The following PRRC2C variants were observed in gnomAD, a reference collection of about 807,000 sequenced individuals.
The protein encoded by PRRC2C is proline rich coiled-coil 2C, also known as protein PRRC2C.
In PRRC2C, 72 loss-of-function variants were observed where a neutral mutation model predicts 317.2. The ratio of observed to expected loss-of-function variants is 0.23; its 90% confidence interval spans 0.19 to 0.28. The LOEUF (loss-of-function observed/expected upper bound fraction) is 0.28, where lower values mean the gene tolerates loss of function less well. PRRC2C is among the 10% of genes least tolerant of loss of function. The pLI, the probability that PRRC2C is intolerant of heterozygous loss-of-function variation, is 1.00. For missense variants in PRRC2C, 3,074 were observed against 3,459.7 expected (o/e 0.89, Z 2.80); for synonymous variants, 1,296 against 1,205.9 (o/e 1.07, Z -1.55).
rs141300797 is a variant in PRRC2C, at chr1:171,514,666, G to T, written c.400+21G>T. ...AGATGGTAAGTGGACATTAGTTGGG[G>T]AAGCTGCCTAGGCTTGATAGTTACT... On this transcript the variant is annotated intron_variant, in intron 4 of 34. Transcript: ENST00000647382. 4 of 1,542,416 alleles carry T rather than the reference G, an allele frequency of 2.6e-6. No individual in the cohort carries two copies. In the African/African-American group the frequency reaches 5.5e-5, roughly 21 times the overall value.
At position 171,532,969 on chromosome 1, in the gene PRRC2C, A is replaced by C. The variant is rs768915230; in HGVS notation, c.1873+8A>C. On this transcript the variant is annotated splice_region_variant and intron_variant, in intron 12 of 34. Coordinates refer to ENST00000647382, the MANE Select transcript of PRRC2C (RefSeq NM_001387844.1). ...AAAACAGCTGTAATAAAGGTTTGAT[A>C]GTATTCTTCATTCTCTTTTAAAAAC... 7.2e-6 allele frequency: 11 copies of C among 1,528,562 alleles called. No homozygotes were observed. In the Admixed American group the frequency reaches 1.2e-4, roughly 17 times the overall value. The allele number at this position is 1,528,562 out of a possible 1,614,324, so 94.7% of individuals were successfully genotyped here. A position where few individuals can be genotyped will look rare whatever the true frequency, so the allele number is the denominator to read the frequency against.
Position 171,591,689 on chromosome 1 carries a change from G to A in PRRC2C, c.8539G>A (p.Asp2847Asn), listed in dbSNP as rs1651475262. ...GGGKAQKVDS[D>N]SSKPPETLTD... The stretch of plus-strand genomic sequence containing the variant: ...AGGCAAAGCCCAGAAAGTGGACAGT[G>A]ATTCAAGTAAACCTCCTGAAACACT... The change falls in exon 35 of 35, where the codon GAT becomes AAT. Residue 2847 changes from aspartate to asparagine, a missense_variant. Coordinates refer to ENST00000647382, the MANE Select transcript of PRRC2C (RefSeq NM_001387844.1). 1.9e-6 allele frequency: 3 copies of A among 1,613,820 alleles called. No homozygotes were observed. The highest frequency in any genetic ancestry group is 2.5e-6 in the Non-Finnish European group (3 of 1,179,890).
At chr1:171,563,321 A>G (rs1208297571) in intron 20 of PRRC2C, among the ~76,000 whole-genome samples, 1 of 152,208 alleles carries the variant, frequency 6.6e-6, no homozygotes, top group Non-Finnish European at 1.5e-5. Context: ...TAGATTAATT[A>G]TATACCTAAT....
At position 171,537,360 on chromosome 1, in the gene PRRC2C, T is replaced by C; in HGVS notation, c.2391T>C (p.Asp797=). The change falls in exon 15 of 35, where the codon GAT becomes GAC. Residue 797 remains aspartate, a synonymous_variant. Coordinates refer to ENST00000647382, the MANE Select transcript of PRRC2C (RefSeq NM_001387844.1). ...SFEHIARSAR[D]HAISLSEPRM... Reference sequence around the variant, plus strand: ...AGCATATAGCTCGATCTGCAAGAGATCACGCAATTTCCCTTTCTGAGCCTC... The same window carrying C: ...AGCATATAGCTCGATCTGCAAGAGACCACGCAATTTCCCTTTCTGAGCCTC... The C allele has an allele frequency of 6.3e-7, 1 of 1,592,936 alleles. No homozygotes were observed. Among genetic ancestry groups the C allele is most frequent in the Non-Finnish European group, 8.6e-7 (1 of 1,168,704 alleles).
chr1:171,585,455 AG>A (rs1387091455), intron 30 of PRRC2C, among the ~76,000 whole-genome samples: 5 of 149,716 alleles, frequency 3.3e-5, no homozygotes, highest in Admixed American at 3.3e-4. Context: ...GGGGGAACAA[AG>A]TCATTAGTCA....
At chr1:171,512,743 A>G (rs1671616776) in intron 2 of PRRC2C, 2 of 345,358 alleles carry the variant, frequency 5.8e-6, no homozygotes, top group Non-Finnish European at 1.0e-5. Flanking sequence ...AGTATTATCA[A>G]TGTTTTCTGT....
Position 171,568,449 on chromosome 1 carries a change from A to C in PRRC2C, c.6651+110A>C, listed in dbSNP as rs1463977975. 5 of 1,408,624 alleles carry C rather than the reference A, an allele frequency of 3.5e-6. No homozygotes were observed. The African/African-American group carries it at 7.2e-5, about 20-fold the overall frequency. The allele number at this position is 1,408,624 out of a possible 1,614,324, so 87.3% of individuals were successfully genotyped here. ...GTAGTGATCAATATTTAACTCAGGG[A>C]AAGAGTTGATAGTAAATTTGTGTTT... On this transcript the variant is annotated intron_variant, in intron 23 of 34. Transcript: ENST00000647382.
chr1:171,556,110 C>T (rs1681338906), intron 18 of PRRC2C, among the ~76,000 whole-genome samples: 1 of 152,208 alleles, frequency 6.6e-6, no homozygotes, highest in Admixed American at 6.5e-5. Context: ...GCTTTGTTTA[C>T]CTACTCAAGC....
intron 1 of PRRC2C, chr1:171,511,149 A>C (rs916458968): frequency 1.3e-5 from 2 of 152,092 alleles, no homozygotes; most frequent in Non-Finnish European, 2.9e-5. Flanking sequence ...GATCGTTTCT[A>C]TGGTAGAATT....
rs1677941396 is a variant in PRRC2C, at chr1:171,541,485, A to G, written c.4019A>G (p.Glu1340Gly). Residue 1340 changes from glutamate to glycine, a missense_variant, in exon 16 of 35, where the codon GAG becomes GGG. By Grantham distance (98) the Glu-to-Gly change is moderately conservative. This residue lies in a region of PRRC2C where 1,320 missense variants were observed against 1,395.7 expected (regional missense o/e 0.95). Coordinates refer to ENST00000647382, the MANE Select transcript of PRRC2C (RefSeq NM_001387844.1). This position sits in a 1 kb window ranked among gnomAD's most constrained non-coding sequence, Gnocchi z 4.1. ...AAACCAGGCTTTCTTCCTAAAGGAG[A>G]GCCTACAAGGAGAGGCAGAGGGGGA... ...KAKPGFLPKG[E>G]PTRRGRGGTF... is the part of the protein sequence containing the mutation. The G allele has an allele frequency of 6.2e-7, 1 of 1,613,740 alleles. No homozygotes were observed. Among genetic ancestry groups the G allele is most frequent in the South Asian group, 1.1e-5 (1 of 91,058 alleles).
In PRRC2C at chr1:171,541,577, G is replaced by C; in HGVS notation, c.4111G>C (p.Ala1371Pro). ...ACGCCCTTCCACTTTACGAAGACCA[G>C]CTTATCGGGACAATCAGTGGAACCC... The part of the protein sequence containing the change: ...PSRPSTLRRP[A>P]YRDNQWNPRQ... Residue 1371 changes from alanine (A) to proline (P), a missense_variant, in exon 16 of 35, where the codon GCT (alanine) becomes CCT (proline). Physicochemically the swap from Ala to Pro is conservative, Grantham distance 27. Around this residue, in one of 11 missense-constraint regions of PRRC2C, gnomAD observed 1,320 missense variants for 1,395.7 expected, o/e 0.95. Transcript: ENST00000647382. This position sits in a 1 kb window ranked among gnomAD's most constrained non-coding sequence, Gnocchi z 4.1. The C allele has an allele frequency of 6.2e-7, 1 of 1,613,822 alleles. No homozygotes were observed. Among genetic ancestry groups the C allele is most frequent in the Non-Finnish European group, 8.5e-7 (1 of 1,179,858 alleles).
chr1:171,571,605 C>T (rs190583672), intron 24 of PRRC2C, among the ~76,000 whole-genome samples, 184 bp downstream of exon 24: 2 of 152,220 alleles, frequency 1.3e-5, no homozygotes, highest in Non-Finnish European at 1.5e-5. Flanking sequence ...TAAGTGGTGA[C>T]GTGATATCCT....
chr1:171,493,029 C>T (rs1307544317), intron 1 of PRRC2C, among the ~76,000 whole-genome samples: 1 of 151,038 alleles, frequency 6.6e-6, no homozygotes, highest in Non-Finnish European at 1.5e-5. Flanking sequence ...GATTACAAGG[C>T]GTGAGCCACT....
rs1333457859 is a variant in PRRC2C, at chr1:171,592,876, G to A, written c.*1029G>A. On this transcript the variant is annotated 3_prime_UTR_variant, in exon 35 of 35. Transcript: ENST00000647382. Reference sequence around the variant, plus strand: ...AAAGTAGAATCAAGTCTCAAATAATGCCTTTTTAATTGTATCCTCTAGTAT... The same window carrying A: ...AAAGTAGAATCAAGTCTCAAATAATACCTTTTTAATTGTATCCTCTAGTAT... 2.6e-5 allele frequency: 4 copies of A among 151,998 alleles called. No individual in the cohort carries two copies. The highest frequency in any genetic ancestry group is 5.9e-5 in the Non-Finnish European group (4 of 68,016). The allele number at this position is 151,998 out of a possible 1,614,324, so 9.4% of individuals were successfully genotyped here.
In PRRC2C at chr1:171,541,799, A is replaced by T; in HGVS notation, c.4333A>T (p.Arg1445Trp). ...KPPRFRRLRE[R>W]EAASKSNEVV... ...ACCTCGATTTAGACGGCTAAGAGAG[A>T]GGGAGGCTGCTTCAAAATCAAATGA... The change falls in exon 16 of 35, where the codon AGG becomes TGG. Residue 1445 changes from arginine (R) to tryptophan (W), a missense_variant. Transcript: ENST00000647382. This position sits in a 1 kb window ranked among gnomAD's most constrained non-coding sequence, Gnocchi z 4.1. 6.2e-7 allele frequency: 1 copy of T among 1,613,950 alleles called. No individual in the cohort carries two copies. Among genetic ancestry groups the T allele is most frequent in the Non-Finnish European group, 8.5e-7 (1 of 1,179,880 alleles).
At chr1:171,524,348 A>C (rs1288634989) in intron 9 of PRRC2C, among the ~76,000 whole-genome samples, 1 of 152,206 alleles carries the variant, frequency 6.6e-6, no homozygotes, top group Non-Finnish European at 1.5e-5. Context: ...GGAAGTTTGG[A>C]AGCACATTTG....
At chr1:171,545,902 TA>T (rs1259075815) in intron 17 of PRRC2C, among the ~76,000 whole-genome samples, 1 of 152,116 alleles carries the variant, frequency 6.6e-6, no homozygotes, top group Non-Finnish European at 1.5e-5. Flanking sequence ...CTTGAATGCT[TA>T]ATAAAATTTT....
At chr1:171,585,963 A>G (rs1227536421) in intron 30 of PRRC2C, among the ~76,000 whole-genome samples, 1 of 152,070 alleles carries the variant, frequency 6.6e-6, no homozygotes, top group East Asian at 1.9e-4. Context: ...TTATACATAT[A>G]ACCTGAAGGT....
At chr1:171,538,630 G>A (rs761293124) in intron 15 of PRRC2C, among the ~76,000 whole-genome samples, 1 of 152,072 alleles carries the variant, frequency 6.6e-6, no homozygotes, top group Non-Finnish European at 1.5e-5. Flanking sequence ...GAAATTACTG[G>A]TCTTGATGGA....
Sources: gnomAD v4.1 joint callset for allele counts (sites outside exome capture counted in the v4.1 genomes callset) on GRCh38, gnomAD v4.1.1 for gene constraint, gnomAD v4.1.1 regional missense constraint, Gnocchi (gnomAD v3.1) non-coding constraint, MANE v1.5 for transcripts, NCBI Gene and HGNC (gene_info 2026-07-23, HGNC 2026-07-21) for gene names.